Variants in MYO1D observed in about 807,000 individuals in gnomAD.
The protein encoded by MYO1D is myosin ID, also known as unconventional myosin-Id.
Under a neutral mutation model 122.0 loss-of-function variants are expected in MYO1D, and 83 were observed. The ratio of observed to expected loss-of-function variants is 0.68; its 90% CI spans 0.57 to 0.82. The LOEUF (loss-of-function observed/expected upper bound fraction) is 0.82, where lower values mean the gene tolerates loss of function less well. Ranked by LOEUF, MYO1D falls within the 40% of genes least tolerant of loss-of-function variation. The probability of loss-of-function intolerance (pLI) is 0.00; values close to 1 mark genes in which losing one functional copy is unlikely to be tolerated. For missense variants in MYO1D, 1,157 were observed against 1,269.5 expected, an observed-to-expected ratio of 0.91 and a Z score of 1.35; for synonymous variants, 464 against 446.9, an observed-to-expected ratio of 1.04 and a Z score of -0.48.
chr17:32,556,913 G>A (rs1287379355), intron 21 of MYO1D, among the ~76,000 whole-genome samples: 2 of 152,106 alleles, frequency 1.3e-5, no homozygotes, highest in African/African-American at 4.8e-5. Context: ...GAAACTTGAT[G>A]ATGTTTGTTT....
intron 11 of MYO1D, among the ~76,000 whole-genome samples, chr17:32,752,978 T>C (rs1053042161): frequency 6.6e-6 from 1 of 152,180 alleles, no homozygotes; most frequent in Non-Finnish European, 1.5e-5. Context: ...ATGTTTACCA[T>C]AACATTATTC....
In MYO1D at chr17:32,493,225, A is replaced by T. The variant is rs1908951381; in HGVS notation, c.*1534T>A. On this transcript the variant is annotated 3_prime_UTR_variant, in exon 22 of 22. Transcript: ENST00000318217. ...GCTTGGAGAATGAGAAAGGGTTCCC[A>T]AGGACAGGATGCCAGCGGGATTCTT... 6.6e-6 allele frequency: 1 copy of T among 152,278 alleles called. No individual in the cohort carries two copies. Among genetic ancestry groups the T allele is most frequent in the African/African-American group, 2.4e-5 (1 of 41,462 alleles). 9.4% of individuals were successfully genotyped at this position (152,278 alleles called of 1,614,324 possible).
intron 20 of MYO1D, chr17:32,627,691 T>C (rs1211989205): frequency 6.6e-6 from 1 of 151,902 alleles, no homozygotes; most frequent in Non-Finnish European, 1.5e-5. Context: ...CCCATACTGA[T>C]AAAAAGGGAC....
chr17:32,603,521 C>CTTTT (rs776245633), intron 21 of MYO1D, among the ~76,000 whole-genome samples: 5 of 99,678 alleles, frequency 5.0e-5, no homozygotes, highest in Non-Finnish European at 1.0e-4. Flanking sequence ...ACATTCTAAA[C>CTTTT]TTTTTTTTTT....
chr17:32,509,632 T>A (rs1023171930), intron 21 of MYO1D, among the ~76,000 whole-genome samples: 2 of 152,052 alleles, frequency 1.3e-5, no homozygotes, highest in African/African-American at 4.8e-5. Context: ...GTCACCAGGC[T>A]GGAGTGCAGT....
At chr17:32,867,020 C>G (rs532473434) in intron 1 of MYO1D, among the ~76,000 whole-genome samples, 1 of 152,244 alleles carries the variant, frequency 6.6e-6, no homozygotes, top group Non-Finnish European at 1.5e-5. Flanking sequence ...CATCAGTTCT[C>G]TTTTCTAAAA....
rs146423108 is a variant in MYO1D, at chr17:32,847,584, A to G, written c.95+29194T>C. Among the ~76,000 whole-genome samples, 974 of 152,314 alleles carry G rather than the reference A, an allele frequency of 6.4e-3. 15 individuals are homozygous for G. The highest frequency in any genetic ancestry group is 0.022 in the African/African-American group (929 of 41,576). On this transcript the variant is annotated intron_variant, in intron 1 of 21. Coordinates refer to ENST00000318217, the MANE Select transcript of MYO1D (RefSeq NM_015194.3). ...GGCTGGAGTGCAGTGGCACAATCTC[A>G]GCTCATTGCAATCTCCACCTCTGGG...
chr17:32,728,915 G>A (rs1204534794), intron 14 of MYO1D, among the ~76,000 whole-genome samples: 1 of 152,192 alleles, frequency 6.6e-6, no homozygotes, highest in Non-Finnish European at 1.5e-5. Context: ...GAAATGGGGG[G>A]AAGCCCTTTC....
chr17:32,541,003 A>G (rs1251663644), intron 21 of MYO1D, among the ~76,000 whole-genome samples: 2 of 152,118 alleles, frequency 1.3e-5, no homozygotes, highest in Non-Finnish European at 2.9e-5. Context: ...GCTGGTAGAA[A>G]TACAGTGGTC....
At chr17:32,581,499 C>G (rs2087338108) in intron 21 of MYO1D, among the ~76,000 whole-genome samples, 1 of 151,536 alleles carries the variant, frequency 6.6e-6, no homozygotes, top group Non-Finnish European at 1.5e-5. Flanking sequence ...CCCTCCCTCC[C>G]TTCCCTTTTC....
At chr17:32,667,016 C>T (rs980416238) in intron 16 of MYO1D, among the ~76,000 whole-genome samples, 2 of 152,290 alleles carry the variant, frequency 1.3e-5, no homozygotes, top group East Asian at 1.9e-4. Context: ...TGAGATAAGT[C>T]TACATAACCC....
intron 16 of MYO1D, among the ~76,000 whole-genome samples, chr17:32,710,627 T>C (rs904196082): frequency 6.6e-6 from 1 of 152,168 alleles, no homozygotes; most frequent in Non-Finnish European, 1.5e-5. Flanking sequence ...CCACAAAGCA[T>C]CTTATGGATA....
rs1208605029 is a variant in MYO1D, at chr17:32,775,926, T to C, written c.502A>G (p.Ile168Val). The change falls in exon 4 of 22, where the codon ATC (isoleucine) becomes GTC (valine). Residue 168 changes from isoleucine (I) to valine (V), a missense_variant. Coordinates refer to ENST00000318217, the MANE Select transcript of MYO1D (RefSeq NM_015194.3). ...NSSRFGKYMDINFDFKGDPIG... is the reference protein window; with the variant it reads ...NSSRFGKYMDVNFDFKGDPIG... ...GGGTCACCCTTGAAGTCAAAGTTGA[T>C]ATCCATGTATTTTCCAAACCTGCTT... 1 of 1,613,914 alleles carries C rather than the reference T, an allele frequency of 6.2e-7. No individual in the cohort carries two copies. Among genetic ancestry groups the C allele is most frequent in the East Asian group, 2.2e-5 (1 of 44,824 alleles).
At chr17:32,858,413 T>C (rs1330364287) in intron 1 of MYO1D, among the ~76,000 whole-genome samples, 1 of 152,248 alleles carries the variant, frequency 6.6e-6, no homozygotes. Context: ...TGTTATGTCT[T>C]GTTATTCTCG....
At chr17:32,861,044 G>A (rs747957843) in intron 1 of MYO1D, among the ~76,000 whole-genome samples, 28 of 151,430 alleles carry the variant, frequency 1.8e-4, no homozygotes, top group Non-Finnish European at 1.5e-5. Flanking sequence ...TAGGGATCAC[G>A]TCTGGGCTGT....
chr17:32,656,614 A>G (rs1327011447), intron 17 of MYO1D, among the ~76,000 whole-genome samples: 4 of 152,224 alleles, frequency 2.6e-5, no homozygotes, highest in Non-Finnish European at 5.9e-5. Context: ...AGCAACAACC[A>G]TGAAGAAGTC....
intron 21 of MYO1D, chr17:32,496,299 C>CG (rs1344553670): frequency 2.6e-5 from 4 of 152,246 alleles, no homozygotes; most frequent in Non-Finnish European, 4.4e-5. Context: ...GAGGTAAGTG[C>CG]GGGGTGCTCA....
chr17:32,842,142 G>T (rs151087051), intron 1 of MYO1D, among the ~76,000 whole-genome samples: 4 of 152,260 alleles, frequency 2.6e-5, no homozygotes, highest in Admixed American at 2.6e-4. Flanking sequence ...ATAGTTCCAG[G>T]ACTGGGGTTT....
At chr17:32,642,199 A>G (rs2088211663) in intron 19 of MYO1D, among the ~76,000 whole-genome samples, 1 of 152,162 alleles carries the variant, frequency 6.6e-6, no homozygotes, top group South Asian at 2.1e-4. Context: ...TCCTTTCCCC[A>G]TTTCTTGTTT....
Sources: allele counts gnomAD v4.1 joint callset (sites outside exome capture counted in the v4.1 genomes callset), GRCh38; gene constraint gnomAD v4.1.1; transcripts MANE v1.5; gene names NCBI Gene and HGNC (gene_info 2026-07-23, HGNC 2026-07-21).